CALN1: variants seen among roughly 807,000 people sequenced by gnomAD.
CALN1 encodes calcium-binding protein 8.
Under a neutral mutation model 30.6 loss-of-function variants are expected in CALN1, and 17 were observed. The observed-to-expected ratio is 0.56, with a 90% CI of 0.38 to 0.83. CALN1 has a LOEUF of 0.83. Among genes scored for constraint, CALN1 ranks in the 40% least tolerant of loss-of-function variants. The pLI is 0.00. For synonymous variants in CALN1, 156 were observed against 131.4 expected (o/e 1.19, Z -1.28); for missense variants, 291 against 354.9 (o/e 0.82, Z 1.45).
intron 5 of CALN1, among the ~76,000 whole-genome samples, chr7:71,850,316 A>G (rs1381365086): frequency 6.6e-6 from 1 of 152,142 alleles, no homozygotes; most frequent in African/African-American, 2.4e-5. Flanking sequence ...CCCGGGTTCA[A>G]GCGATTCTCC....
At chr7:72,294,750 T>TAATGAATAAATA (rs146562710) in intron 2 of CALN1, among the ~76,000 whole-genome samples, 6 of 147,838 alleles carry the variant, frequency 4.1e-5, no homozygotes, top group African/African-American at 1.5e-4. Context: ...TCTAAAAAAG[T>TAATGAATAAATA]AATAAATAAA....
chr7:72,361,401 G>A (rs1350510011), intron 2 of CALN1, among the ~76,000 whole-genome samples: 1 of 152,172 alleles, frequency 6.6e-6, no homozygotes, highest in Admixed American at 6.5e-5. Context: ...AGCTACTCAG[G>A]AGGCTGAGGC....
rs201598805 is a variant in CALN1, at chr7:72,233,007, AAC to A, written c.244+45677_244+45678del. Among the ~76,000 whole-genome samples, 954 of 152,118 alleles carry A rather than the reference AAC, an allele frequency of 6.3e-3. 5 individuals are homozygous for A. Among genetic ancestry groups the A allele is most frequent in the Non-Finnish European group, 0.011 (727 of 67,922 alleles). On this transcript the variant is annotated intron_variant, in intron 3 of 6. Coordinates refer to ENST00000395275, the MANE Select transcript of CALN1 (RefSeq NM_031468.4). ...GTTTAGCATGTTTCCATAACATGGA[AAC>A]ACAGTTTTCAATAATATGCATATAA... is the stretch of plus-strand genomic sequence containing the variant.
At chr7:72,484,878 C>T in the CALN1 span, among the ~76,000 whole-genome samples, 2 of 152,104 alleles carry the variant, frequency 1.3e-5, no homozygotes, top group Non-Finnish European at 2.9e-5. Context: ...CGTTTTGCAA[C>T]TGTTTTTTAT....
rs1215061493 is a variant in CALN1, at chr7:72,055,784, T to C, written c.389-32015A>G. ...GCTAACGCTCTGGGGGGCTGAGGAG[T>C]GAGGATTGCTTGAGGCTAGAAGTTT... On this transcript the variant is annotated intron_variant, in intron 4 of 6. Coordinates refer to ENST00000395275, the MANE Select transcript of CALN1 (RefSeq NM_031468.4). Among the ~76,000 whole-genome samples, 10 of 151,874 alleles carry C rather than the reference T, an allele frequency of 6.6e-5. No individual in the cohort carries two copies. In the East Asian group the frequency reaches 1.9e-3, roughly 29 times the overall value.
At chr7:72,130,429 G>C (rs1809059791) in intron 3 of CALN1, among the ~76,000 whole-genome samples, 1 of 152,164 alleles carries the variant, frequency 6.6e-6, no homozygotes, top group African/African-American at 2.4e-5. Flanking sequence ...AGAAAGACTA[G>C]ACCAACGTGC....
At chr7:72,498,563 T>A in the CALN1 span, among the ~76,000 whole-genome samples, 1 of 152,110 alleles carries the variant, frequency 6.6e-6, no homozygotes, top group Non-Finnish European at 1.5e-5. Context: ...AACTTAGAAG[T>A]TTATGTCCAG....
chr7:71,932,739 C>T (rs1795620937), intron 5 of CALN1, among the ~76,000 whole-genome samples: 1 of 149,874 alleles, frequency 6.7e-6, no homozygotes, highest in Admixed American at 6.8e-5. Flanking sequence ...TGGCATGAAC[C>T]CGGGAGGCGG....
At chr7:72,063,800 T>C (rs1300093046) in intron 4 of CALN1, among the ~76,000 whole-genome samples, 2 of 152,086 alleles carry the variant, frequency 1.3e-5, no homozygotes, top group Non-Finnish European at 2.9e-5. Context: ...GATTTTGGGA[T>C]TGTGGATGCC....
intron 5 of CALN1, among the ~76,000 whole-genome samples, chr7:71,958,551 G>A (rs1797084134): frequency 6.6e-6 from 1 of 152,050 alleles, no homozygotes; most frequent in South Asian, 2.1e-4. Flanking sequence ...TGGGAGAAGG[G>A]GAAGCTCATT....
chr7:72,306,704 T>G (rs1057432978), intron 2 of CALN1, among the ~76,000 whole-genome samples: 1 of 152,150 alleles, frequency 6.6e-6, no homozygotes, highest in Non-Finnish European at 1.5e-5. Context: ...AGCCCCCATT[T>G]TGAGTTATCC....
At chr7:72,021,341 G>A (rs966270416) in intron 5 of CALN1, among the ~76,000 whole-genome samples, 2 of 152,004 alleles carry the variant, frequency 1.3e-5, no homozygotes, top group Admixed American at 1.3e-4. Context: ...GAAAGAAGAA[G>A]GAGAAACGCC....
At chr7:72,241,574 C>T (rs956179018) in intron 3 of CALN1, among the ~76,000 whole-genome samples, 19 of 152,106 alleles carry the variant, frequency 1.2e-4, no homozygotes, top group Admixed American at 4.6e-4. Flanking sequence ...GGCGTGGTGG[C>T]GCATGCCTGT....
chr7:72,346,818 ATTTG>A (rs957118454), intron 2 of CALN1, among the ~76,000 whole-genome samples: 2 of 152,140 alleles, frequency 1.3e-5, no homozygotes, highest in African/African-American at 4.8e-5. Flanking sequence ...CCCGGCCAAA[ATTTG>A]TTTATTTTTA....
At chr7:71,985,542 A>T (rs563787765) in intron 5 of CALN1, among the ~76,000 whole-genome samples, 1 of 151,940 alleles carries the variant, frequency 6.6e-6, no homozygotes, top group African/African-American at 2.4e-5. Context: ...TGTATTCCCA[A>T]TAACACAGTC....
At chr7:71,798,520 G>A (rs932563281) in intron 6 of CALN1, among the ~76,000 whole-genome samples, 1 of 151,846 alleles carries the variant, frequency 6.6e-6, no homozygotes, top group Non-Finnish European at 1.5e-5. Flanking sequence ...TGCCCAGGCT[G>A]GTCTCGAACT....
intron 5 of CALN1, among the ~76,000 whole-genome samples, chr7:71,917,216 C>T (rs1794724895): frequency 6.6e-6 from 1 of 152,072 alleles, no homozygotes; most frequent in Admixed American, 6.6e-5. Flanking sequence ...CCATCAAAGG[C>T]TGAGGAACTT....
chr7:72,337,735 G>A (rs1360661753), intron 2 of CALN1: 1 of 152,358 alleles, frequency 6.6e-6, no homozygotes, highest in African/African-American at 2.4e-5. Flanking sequence ...CGCCCCTGGA[G>A]ACGTCCAGGG....
chr7:71,882,926 G>T (rs1421402110), intron 5 of CALN1, among the ~76,000 whole-genome samples: 5 of 150,302 alleles, frequency 3.3e-5, no homozygotes, highest in African/African-American at 7.4e-5. Flanking sequence ...TGTTGCCCAG[G>T]CTGGTCTCAA....
Sources: allele counts gnomAD v4.1 joint callset (sites outside exome capture counted in the v4.1 genomes callset), GRCh38; gene constraint gnomAD v4.1.1; transcripts MANE v1.5; gene names NCBI Gene and HGNC (gene_info 2026-07-23, HGNC 2026-07-21).